Variants in BORCS5 observed in about 807,000 individuals in gnomAD.
BORCS5 encodes BLOC-1-related complex subunit 5.
A neutral mutation model predicts 22.1 loss-of-function variants in BORCS5; 17 were observed. The observed-to-expected ratio is 0.77, with a 90% CI of 0.53 to 1.15. The LOEUF is 1.15. BORCS5 is among the 50% of genes most tolerant of loss of function. BORCS5 has a pLI of 0.00. For synonymous variants in BORCS5, 117 were observed against 99.8 expected (o/e 1.17, Z -1.03); for missense variants, 247 against 253.2 (o/e 0.98, Z 0.17).
At position 12,357,371 on chromosome 12, in the gene BORCS5, C is replaced by T. The variant is rs903495505; in HGVS notation, c.-81C>T. On this transcript the variant is annotated 5_prime_UTR_variant, in exon 1 of 4. Coordinates refer to ENST00000314565, the MANE Select transcript of BORCS5 (RefSeq NM_058169.6). ...TCTGCTTTGCCTCCCCGTCCCGGTC[C>T]CTGGCCCCTGCCCTGTCGCCCGCCG... 7.8e-6 allele frequency: 12 copies of T among 1,547,360 alleles called. No homozygotes were observed. The East Asian group carries it at 1.9e-4, about 24-fold the overall frequency.
In BORCS5 at chr12:12,469,901, G is replaced by A. The variant is rs1943263130; in HGVS notation, c.*4125G>A. ...CCCTGACCTTTCGCTTCATTCCTTTGTTAAGAACTATATAGTGCCTCTGAG... is the reference window on the plus strand; with the variant it reads ...CCCTGACCTTTCGCTTCATTCCTTTATTAAGAACTATATAGTGCCTCTGAG... On this transcript the variant is annotated 3_prime_UTR_variant, in exon 4 of 4. Transcript: ENST00000314565. Among the ~76,000 whole-genome samples, 7 of 152,094 alleles carry A rather than the reference G, an allele frequency of 4.6e-5. No individual in the cohort carries two copies.
At chr12:12,398,019 A>AG (rs1347103840) in intron 2 of BORCS5, among the ~76,000 whole-genome samples, 1 of 152,228 alleles carries the variant, frequency 6.6e-6, no homozygotes, top group Non-Finnish European at 1.5e-5. Flanking sequence ...TTAGTAAGTT[A>AG]GGAGCAATGC....
At chr12:12,390,422 T>C (rs1941143591) in intron 2 of BORCS5, among the ~76,000 whole-genome samples, 1 of 152,056 alleles carries the variant, frequency 6.6e-6, no homozygotes, top group Non-Finnish European at 1.5e-5. Context: ...GCACAGAACA[T>C]TGCAAAATGC....
At chr12:12,361,722 C>A (rs1863290940) in intron 2 of BORCS5, among the ~76,000 whole-genome samples, 1 of 152,080 alleles carries the variant, frequency 6.6e-6, no homozygotes, top group African/African-American at 2.4e-5. Flanking sequence ...TGGAAATGGC[C>A]CTTCCCTGTT....
Position 12,357,137 on chromosome 12 carries a change from G to A in BORCS5, c.-315G>A, listed in dbSNP as rs1489319706. On this transcript the variant is annotated 5_prime_UTR_variant, in exon 1 of 4. Coordinates refer to ENST00000314565, the MANE Select transcript of BORCS5 (RefSeq NM_058169.6). ...TGAACCAGTGAGTGAAAGCGGCGCC[G>A]CCCGCCGGCCGCAGGTGCGGCAAAG... is the stretch of plus-strand genomic sequence containing the variant. 1 of 1,527,300 alleles carries A rather than the reference G, an allele frequency of 6.5e-7. No homozygotes were observed. 94.6% of individuals were successfully genotyped at this position (1,527,300 alleles called of 1,614,324 possible). A position where few individuals can be genotyped will look rare whatever the true frequency, so the allele number is the denominator to read the frequency against.
In BORCS5 at chr12:12,393,218, G is replaced by C. The variant is rs372110800; in HGVS notation, c.202+31869G>C. ...CTGCTGCACTCCAGCCTGGGTGACA[G>C]AGTGAGACCTTATCTCCAAAAAATA... On this transcript the variant is annotated intron_variant, in intron 2 of 3. Coordinates refer to ENST00000314565, the MANE Select transcript of BORCS5 (RefSeq NM_058169.6). Among the ~76,000 whole-genome samples the C allele has an allele frequency of 1.4e-4, 21 of 152,150 alleles. No individual in the cohort carries two copies. The East Asian group carries it at 3.9e-3, about 28-fold the overall frequency.
rs542676647 is a variant in BORCS5 at position 12,362,106 on chromosome 12, A to G, written c.202+757A>G. On this transcript the variant is annotated intron_variant, in intron 2 of 3. Transcript: ENST00000314565. ...TTAACTTGGTATAATACAGTGTAAA[A>G]CATCTTACATTTACATAGCTATTTG... Among the ~76,000 whole-genome samples the G allele has an allele frequency of 4.1e-4, 62 of 152,346 alleles. 2 individuals carry two copies. The South Asian group carries it at 0.012, about 30-fold the overall frequency.
intron 2 of BORCS5, among the ~76,000 whole-genome samples, chr12:12,426,278 G>A (rs7969984): frequency 6.6e-6 from 1 of 152,210 alleles, no homozygotes; most frequent in East Asian, 1.9e-4. Context: ...CTATATTGCC[G>A]AGGCTGGCTT....
chr12:12,408,466 A>G (rs1941641883), intron 2 of BORCS5, among the ~76,000 whole-genome samples: 1 of 152,182 alleles, frequency 6.6e-6, no homozygotes, highest in South Asian at 2.1e-4. Flanking sequence ...GTACATTGAG[A>G]TTGTTGTGTG....
At chr12:12,427,659 AAACCGGGTGG>A (rs1312938402) in intron 2 of BORCS5, among the ~76,000 whole-genome samples, 2 of 152,184 alleles carry the variant, frequency 1.3e-5, no homozygotes, top group African/African-American at 2.4e-5. Context: ...AGAATACCAT[AAACCGGGTGG>A]CTTAAACAGC....
rs556825676 is a variant in BORCS5, at chr12:12,378,833, G to T, written c.202+17484G>T. Among the ~76,000 whole-genome samples, 96 of 151,380 alleles carry T rather than the reference G, an allele frequency of 6.3e-4. 4 individuals carry two copies. The highest frequency in any genetic ancestry group is 2.3e-3 in the African/African-American group (93 of 41,276). ...AGTGGTGAGATCATGACTCACTGCA[G>T]CCTCGACCTCCCAGGCTCAAGTAAT... On this transcript the variant is annotated intron_variant, in intron 2 of 3. Coordinates refer to ENST00000314565, the MANE Select transcript of BORCS5 (RefSeq NM_058169.6).
At chr12:12,450,147 C>A (rs564214203) in intron 3 of BORCS5, among the ~76,000 whole-genome samples, 12 of 152,318 alleles carry the variant, frequency 7.9e-5, no homozygotes, top group Admixed American at 7.2e-4. Flanking sequence ...TCGCTTAGGA[C>A]AGGTGTGGTG....
chr12:12,465,349 C>T (rs1205712850), intron 3 of BORCS5, among the ~76,000 whole-genome samples, 197 bp from the exon 4 acceptor site: 1 of 152,142 alleles, frequency 6.6e-6, no homozygotes, highest in African/African-American at 2.4e-5. Context: ...CCTCTCAGTT[C>T]TCTTCTAAAG....
chr12:12,412,159 G>C (rs1185308849), intron 2 of BORCS5, among the ~76,000 whole-genome samples: 1 of 152,146 alleles, frequency 6.6e-6, no homozygotes, highest in Non-Finnish European at 1.5e-5. Context: ...CTGAAAAAAA[G>C]TCACTGGGAT....
At chr12:12,431,403 C>CTTTTTTTTTTTT (rs386375632) in intron 2 of BORCS5, among the ~76,000 whole-genome samples, 3 of 121,094 alleles carry the variant, frequency 2.5e-5, no homozygotes, top group Non-Finnish European at 3.3e-5. Context: ...TTTGCTAATT[C>CTTTTTTTTTTTT]TTTTTTTTTT....
chr12:12,419,527 C>T (rs1942060173), intron 2 of BORCS5, among the ~76,000 whole-genome samples: 1 of 152,170 alleles, frequency 6.6e-6, no homozygotes, highest in Non-Finnish European at 1.5e-5. Flanking sequence ...GTCTTTATAG[C>T]AGCATGATTT....
At chr12:12,433,610 C>G (rs1329054448) in intron 2 of BORCS5, among the ~76,000 whole-genome samples, 1 of 152,152 alleles carries the variant, frequency 6.6e-6, no homozygotes, top group African/African-American at 2.4e-5. Context: ...GACACGGGAT[C>G]CTATACATAG....
At chr12:12,441,350 C>T (rs1387581883) in intron 3 of BORCS5, among the ~76,000 whole-genome samples, 1 of 152,204 alleles carries the variant, frequency 6.6e-6, no homozygotes, top group African/African-American at 2.4e-5. Context: ...TGCCAAGGTT[C>T]AATCCTGGCT....
intron 2 of BORCS5, among the ~76,000 whole-genome samples, chr12:12,405,037 C>G (rs1358296654): frequency 1.3e-5 from 2 of 152,150 alleles, no homozygotes; most frequent in Non-Finnish European, 2.9e-5. Flanking sequence ...AGGCACCATA[C>G]ACACTTTTTC....
Sources: gnomAD v4.1 joint callset for allele counts (sites outside exome capture counted in the v4.1 genomes callset) on GRCh38, gnomAD v4.1.1 for gene constraint, MANE v1.5 for transcripts, NCBI Gene and HGNC (gene_info 2026-07-23, HGNC 2026-07-21) for gene names.